Variants in LAMA2 observed in about 807,000 individuals in gnomAD.
LAMA2 encodes laminin subunit alpha-2.
LAMA2 carries 269 observed loss-of-function variants against 364.8 expected under a neutral mutation model. The ratio of observed to expected loss-of-function variants is 0.74; its 90% confidence interval spans 0.67 to 0.82. The LOEUF (loss-of-function observed/expected upper bound fraction) is 0.82, where lower values mean the gene tolerates loss of function less well. Ranked by LOEUF, LAMA2 falls within the 40% of genes least tolerant of loss-of-function variation. LAMA2 has a pLI of 0.00. For missense variants in LAMA2, 3,807 were observed against 3,873.2 expected, an observed-to-expected ratio of 0.98 and a Z score of 0.45; for synonymous variants, 1,379 against 1,370.6, an observed-to-expected ratio of 1.01 and a Z score of -0.14.
At position 129,328,302 on chromosome 6, in the gene LAMA2, C is replaced by T. The variant is rs1245294468; in HGVS notation, c.4201C>T (p.Leu1401=). Residue 1401 remains leucine, a synonymous_variant, in exon 29 of 65, where the codon CTG becomes TTG. Transcript: ENST00000421865. ...GGCATGCTTGCCGGGATTTTATCGA[C>T]TGCGTTCTCAACCAGGTGGCCGCAC... The part of the protein sequence containing the change: ...CEACLPGFYR[L]RSQPGGRTPG... The T allele has an allele frequency of 6.2e-7, 1 of 1,614,058 alleles. No homozygotes were observed. Among genetic ancestry groups the T allele is most frequent in the African/African-American group, 1.3e-5 (1 of 74,932 alleles).
intron 1 of LAMA2, among the ~76,000 whole-genome samples, chr6:128,972,531 G>T (rs1782249786): frequency 6.6e-6 from 1 of 152,176 alleles, no homozygotes; most frequent in Non-Finnish European, 1.5e-5. Flanking sequence ...TTCTGGATGA[G>T]CAAAACCTTG....
intron 1 of LAMA2, among the ~76,000 whole-genome samples, chr6:129,037,782 G>A (rs573208400): frequency 1.3e-4 from 19 of 150,652 alleles, no homozygotes; most frequent in East Asian, 5.9e-4. Context: ...CCATTCTCCC[G>A]CCTCAGCCTC....
At chr6:129,293,689 GAGGTCCCAGGCTGAGCTGCA>G (rs71028151) in intron 20 of LAMA2, among the ~76,000 whole-genome samples, 106,422 of 151,894 alleles carry the variant, frequency 0.7, 37,998 homozygotes, top group Non-Finnish European at 0.77. Context: ...GAGGGAAGAA[GAGGTCCCAGGCTGAGCTGCA>G]GAAGAGTAGG....
At chr6:129,173,524 A>C (rs1049899371) in intron 9 of LAMA2, among the ~76,000 whole-genome samples, 1 of 152,188 alleles carries the variant, frequency 6.6e-6, no homozygotes, top group Non-Finnish European at 1.5e-5. Context: ...TCAATTACAT[A>C]TCTTTGAAAT....
intron 4 of LAMA2, among the ~76,000 whole-genome samples, chr6:129,102,328 G>T (rs984893390): frequency 6.6e-6 from 1 of 151,278 alleles, no homozygotes; most frequent in Non-Finnish European, 1.5e-5. Context: ...GTACAGACAG[G>T]GTTTCACCAT....
At chr6:129,325,471 C>T (rs1203096796) in intron 28 of LAMA2, among the ~76,000 whole-genome samples, 3 of 151,718 alleles carry the variant, frequency 2.0e-5, no homozygotes, top group Non-Finnish European at 2.9e-5. Context: ...TTGACAAACA[C>T]CCTAAAAATT....
At chr6:129,419,041 A>G (rs1356288011) in intron 40 of LAMA2, among the ~76,000 whole-genome samples, 2 of 151,842 alleles carry the variant, frequency 1.3e-5, no homozygotes, top group Non-Finnish European at 2.9e-5. Flanking sequence ...TAGCAAAGCC[A>G]TGCTGGCTTT....
At chr6:128,955,581 C>T (rs930152450) in intron 1 of LAMA2, among the ~76,000 whole-genome samples, 2 of 151,808 alleles carry the variant, frequency 1.3e-5, no homozygotes, top group Non-Finnish European at 2.9e-5. Context: ...AAAAAAATCA[C>T]ATTTAAGAGT....
At chr6:129,119,898 TAATA>T (rs1167549268) in intron 4 of LAMA2, among the ~76,000 whole-genome samples, 2 of 152,194 alleles carry the variant, frequency 1.3e-5, no homozygotes, top group Non-Finnish European at 2.9e-5. Context: ...AAGAACCAAT[TAATA>T]AATATGTCTA....
chr6:129,116,217 C>A (rs1230766575), intron 4 of LAMA2, among the ~76,000 whole-genome samples: 1 of 152,110 alleles, frequency 6.6e-6, no homozygotes, highest in East Asian at 1.9e-4. Context: ...TCAGAAATCA[C>A]CATAATAAAA....
chr6:129,230,224 C>A (rs548803516), intron 12 of LAMA2, among the ~76,000 whole-genome samples: 3 of 152,104 alleles, frequency 2.0e-5, no homozygotes, highest in Non-Finnish European at 4.4e-5. Flanking sequence ...TATTGAAAGT[C>A]ATTTGAATGA....
chr6:129,464,257 G>T, intron 49 of LAMA2, 33 bp from the exon 50 acceptor site: 1 of 1,575,284 alleles, frequency 6.3e-7, no homozygotes, highest in Non-Finnish European at 8.7e-7. Flanking sequence ...GAATAGATAT[G>T]ATCTGATTCA....
intron 22 of LAMA2, among the ~76,000 whole-genome samples, 177 bp downstream of exon 22, chr6:129,301,049 G>A (rs1177353039): frequency 1.3e-5 from 2 of 152,144 alleles, no homozygotes; most frequent in Admixed American, 6.5e-5. Flanking sequence ...GAAAGATGAT[G>A]AAGTAAATAT....
intron 32 of LAMA2, among the ~76,000 whole-genome samples, chr6:129,363,354 A>G (rs1309115910): frequency 6.6e-6 from 1 of 152,188 alleles, no homozygotes; most frequent in Non-Finnish European, 1.5e-5. Context: ...CCACAGACCC[A>G]TCAAAAATCA....
At chr6:129,257,434 A>T (rs1221191212) in intron 14 of LAMA2, among the ~76,000 whole-genome samples, 3 of 152,076 alleles carry the variant, frequency 2.0e-5, no homozygotes, top group Non-Finnish European at 4.4e-5. Flanking sequence ...AGACAAATGA[A>T]ATTTGTCAGT....
At chr6:128,998,591 G>A (rs1296034775) in intron 1 of LAMA2, among the ~76,000 whole-genome samples, 2 of 46,606 alleles carry the variant, frequency 4.3e-5, no homozygotes, top group Non-Finnish European at 8.3e-5. Flanking sequence ...CCTGGGAAGC[G>A]CAAGGGGTCA....
At chr6:129,288,207 C>G (rs1475096353) in intron 19 of LAMA2, 149 bp downstream of exon 19, 3 of 736,118 alleles carry the variant, frequency 4.1e-6, no homozygotes, top group African/African-American at 1.7e-5. Flanking sequence ...CTGCATATTC[C>G]AGAACATTTC....
intron 34 of LAMA2, among the ~76,000 whole-genome samples, chr6:129,379,172 G>A (rs1480020395): frequency 3.3e-5 from 5 of 152,126 alleles, no homozygotes; most frequent in Non-Finnish European, 4.4e-5. Flanking sequence ...ACATAGACAT[G>A]TAGAAGGGAA....
At position 129,492,487 on chromosome 6, in the gene LAMA2, A is replaced by T. The variant is rs771185171; in HGVS notation, c.8244+4A>T. The T allele has an allele frequency of 6.2e-7, 1 of 1,613,116 alleles. No individual in the cohort carries two copies. Among genetic ancestry groups the T allele is most frequent in the Non-Finnish European group, 8.5e-7 (1 of 1,179,112 alleles). On this transcript the variant is annotated splice_donor_region_variant and intron_variant, in intron 58 of 64. Coordinates refer to ENST00000421865, the MANE Select transcript of LAMA2 (RefSeq NM_000426.4). ...GCCCACCCCAGTTCTGACACATGTA[A>T]GTGTTTATATTATCCCCATTGCTTT... is the stretch of plus-strand genomic sequence containing the variant.
Sources: gnomAD v4.1 joint callset for allele counts (sites outside exome capture counted in the v4.1 genomes callset) on GRCh38, gnomAD v4.1.1 for gene constraint, MANE v1.5 for transcripts, NCBI Gene and HGNC (gene_info 2026-07-23, HGNC 2026-07-21) for gene names.